The following MKLN1 variants were observed in gnomAD, a reference collection of about 807,000 sequenced individuals.
MKLN1 encodes muskelin 1.
Under a neutral mutation model 99.0 loss-of-function variants are expected in MKLN1, and 18 were observed. That is an observed-to-expected ratio of 0.18 (90% confidence interval 0.13 to 0.27). MKLN1 has a LOEUF of 0.27. Among genes scored for constraint, MKLN1 ranks in the 10% least tolerant of loss-of-function variants. The pLI is 1.00. For missense variants in MKLN1, 621 were observed against 875.9 expected, an observed-to-expected ratio of 0.71 and a Z score of 3.67; for synonymous variants, 288 against 293.2, an observed-to-expected ratio of 0.98 and a Z score of 0.18.
intron 3 of MKLN1, among the ~76,000 whole-genome samples, chr7:131,281,474 A>T (rs1300455553): frequency 6.6e-6 from 1 of 151,958 alleles, no homozygotes. Context: ...GCCTCTTCCA[A>T]CTTTGTTCTT....
intron 3 of MKLN1, among the ~76,000 whole-genome samples, chr7:131,304,248 G>A (rs1798421876): frequency 6.6e-6 from 1 of 152,182 alleles, no homozygotes. Flanking sequence ...GCCCATGCCT[G>A]TAGTCCTAGC....
chr7:131,336,175 T>C (rs1483483043), intron 1 of MKLN1, among the ~76,000 whole-genome samples: 1 of 152,128 alleles, frequency 6.6e-6, no homozygotes, highest in Non-Finnish European at 1.5e-5. Flanking sequence ...TTCTAGTACA[T>C]TGGCTCTTTA....
intron 2 of MKLN1, among the ~76,000 whole-genome samples, chr7:131,171,797 GT>G (rs1796220347): frequency 1.3e-5 from 2 of 152,200 alleles, no homozygotes; most frequent in Non-Finnish European, 2.9e-5. Context: ...CTCATACATT[GT>G]TTGGTATAAT....
rs1797519907 is a variant in MKLN1, at chr7:131,495,030, C to T, written c.*7302C>T. ...AGTTATTAGCCTCAGAGGAAGAGTA[C>T]AGGAAAGCGAAGATGAGGACCTCCT... On this transcript the variant is annotated 3_prime_UTR_variant, in exon 18 of 18. Transcript: ENST00000352689. The T allele has an allele frequency of 6.6e-6, 1 of 152,144 alleles. No homozygotes were observed. The highest frequency in any genetic ancestry group is 2.4e-5 in the African/African-American group (1 of 41,444). 9.4% of individuals were successfully genotyped at this position (152,144 alleles called of 1,614,324 possible). A position where few individuals can be genotyped will look rare whatever the true frequency, so the allele number is the denominator to read the frequency against.
chr7:131,137,466 G>C (rs1464591006), intron 1 of MKLN1, among the ~76,000 whole-genome samples: 1 of 152,180 alleles, frequency 6.6e-6, no homozygotes, highest in Admixed American at 6.5e-5. Context: ...CAAGATTGTG[G>C]AATCATGCTG....
intron 2 of MKLN1, among the ~76,000 whole-genome samples, chr7:131,192,220 A>AAACAT (rs1554534755): frequency 2.4e-5 from 1 of 42,268 alleles, no homozygotes; most frequent in African/African-American, 1.3e-4. Context: ...TAAATATATA[A>AAACAT]AATATATACA....
rs372357785 is a variant in MKLN1 at position 131,459,811 on chromosome 7, T to G, written c.1526-3406T>G. Among the ~76,000 whole-genome samples, 6 of 152,292 alleles carry G rather than the reference T, an allele frequency of 3.9e-5. No homozygotes were observed. In the South Asian group the frequency reaches 6.2e-4, roughly 16 times the overall value. ...TAAACATGCCTAGCTTGCAGTGGGCTCTCTCAAACAGGACACCCAGTTCAG... is the reference window on the plus strand; with the variant it reads ...TAAACATGCCTAGCTTGCAGTGGGCGCTCTCAAACAGGACACCCAGTTCAG... On this transcript the variant is annotated intron_variant, in intron 12 of 17. Coordinates refer to ENST00000352689, the MANE Select transcript of MKLN1 (RefSeq NM_013255.5).
At chr7:131,186,591 C>T (rs1006902989) in intron 2 of MKLN1, among the ~76,000 whole-genome samples, 4 of 152,184 alleles carry the variant, frequency 2.6e-5, no homozygotes, top group African/African-American at 7.2e-5. Flanking sequence ...TAGGTTCCCT[C>T]AGTGGGCTTA....
At chr7:131,432,248 C>G (rs958396420) in intron 9 of MKLN1, among the ~76,000 whole-genome samples, 4 of 152,042 alleles carry the variant, frequency 2.6e-5, no homozygotes, top group Admixed American at 2.6e-4. Flanking sequence ...AATACAAAAT[C>G]CAGAGAGGGT....
intron 2 of MKLN1, among the ~76,000 whole-genome samples, chr7:131,193,508 A>G (rs1427292635): frequency 1.3e-5 from 2 of 152,034 alleles, no homozygotes; most frequent in African/African-American, 4.8e-5. Context: ...CTGGGACTAC[A>G]GGTGCGCACC....
intron 1 of MKLN1, among the ~76,000 whole-genome samples, chr7:131,336,820 C>T (rs1799263368): frequency 6.6e-6 from 1 of 152,148 alleles, no homozygotes; most frequent in African/African-American, 2.4e-5. Flanking sequence ...AATATTTACC[C>T]TTTCCATTGT....
chr7:131,188,961 G>T (rs1209294808), intron 2 of MKLN1, among the ~76,000 whole-genome samples: 2 of 152,144 alleles, frequency 1.3e-5, no homozygotes, highest in Non-Finnish European at 2.9e-5. Context: ...ATACAGAGGA[G>T]GGGTGGAAAG....
intron 1 of MKLN1, among the ~76,000 whole-genome samples, chr7:131,135,439 A>C (rs1002433605): frequency 6.6e-6 from 1 of 152,186 alleles, no homozygotes; most frequent in Non-Finnish European, 1.5e-5. Flanking sequence ...CTTCCGCGTC[A>C]GGAGTTTAGG....
chr7:131,392,340 G>A (rs364887), intron 4 of MKLN1, among the ~76,000 whole-genome samples: 197 of 152,258 alleles, frequency 1.3e-3, no homozygotes, highest in Non-Finnish European at 2.5e-3. Flanking sequence ...GCTGGATGCA[G>A]CATGAAATCT....
At chr7:131,361,537 G>T (rs1800027585) in intron 1 of MKLN1, among the ~76,000 whole-genome samples, 1 of 146,806 alleles carries the variant, frequency 6.8e-6, no homozygotes, top group Non-Finnish European at 1.5e-5. Flanking sequence ...TTTTCACACT[G>T]TTTTTTCTTG....
At chr7:131,395,382 T>C (rs767208896) in intron 4 of MKLN1, among the ~76,000 whole-genome samples, 3 of 152,018 alleles carry the variant, frequency 2.0e-5, no homozygotes, top group Non-Finnish European at 4.4e-5. Flanking sequence ...TCACACAGGA[T>C]ACTAGACAGA....
In MKLN1 at chr7:131,443,720, A is replaced by G. The variant is rs1480012386; in HGVS notation, c.1395+18A>G. On this transcript the variant is annotated intron_variant, in intron 11 of 17. Coordinates refer to ENST00000352689, the MANE Select transcript of MKLN1 (RefSeq NM_013255.5). ...TCCACTCAGTAAGAACATTCCGTAC[A>G]TTGCGTAAATGTTATTTTGTCATGT... The G allele has an allele frequency of 1.3e-6, 2 of 1,515,364 alleles. No individual in the cohort carries two copies. 93.9% of individuals were successfully genotyped at this position (1,515,364 alleles called of 1,614,324 possible). A position where few individuals can be genotyped will look rare whatever the true frequency, so the allele number is the denominator to read the frequency against.
At chr7:131,199,763 G>A (rs1051295850) in intron 2 of MKLN1, among the ~76,000 whole-genome samples, 3 of 152,042 alleles carry the variant, frequency 2.0e-5, no homozygotes, top group African/African-American at 7.3e-5. Flanking sequence ...GTGTGATCTC[G>A]ACTCACTGCA....
intron 12 of MKLN1, among the ~76,000 whole-genome samples, chr7:131,453,898 C>T (rs562562996): frequency 5.3e-5 from 8 of 151,928 alleles, no homozygotes; most frequent in South Asian, 2.1e-4. Flanking sequence ...ATAGATACTT[C>T]GAAGAAAAAA....
Sources: gnomAD v4.1 joint callset for allele counts (sites outside exome capture counted in the v4.1 genomes callset) on GRCh38, gnomAD v4.1.1 for gene constraint, MANE v1.5 for transcripts, NCBI Gene and HGNC (gene_info 2026-07-23, HGNC 2026-07-21) for gene names.